Variants in CSNK2A2IP observed in about 807,000 individuals in gnomAD.
CSNK2A2IP encodes the protein casein kinase 2 subunit alpha' interacting protein.
At chr3:88,384,786 T>A in the CSNK2A2IP span, among the ~76,000 whole-genome samples, 5,725 of 152,014 alleles carry the variant, frequency 0.038, 266 homozygotes, top group African/African-American at 0.11. Flanking sequence ...ACAGAGATAA[T>A]AGAAACAAGA....
chr3:88,353,611 G>C, the CSNK2A2IP span, among the ~76,000 whole-genome samples: 1 of 152,094 alleles, frequency 6.6e-6, no homozygotes, highest in Non-Finnish European at 1.5e-5. Context: ...GGTTTTATTG[G>C]ATCTTAACTT....
the CSNK2A2IP span, among the ~76,000 whole-genome samples, chr3:88,436,957 T>C: frequency 6.6e-6 from 1 of 152,142 alleles, no homozygotes; most frequent in Non-Finnish European, 1.5e-5. Flanking sequence ...GTGAGCAACA[T>C]TGTCTTCTAG....
At chr3:88,365,593 C>A in the CSNK2A2IP span, among the ~76,000 whole-genome samples, 1 of 152,152 alleles carries the variant, frequency 6.6e-6, no homozygotes, top group Non-Finnish European at 1.5e-5. Context: ...CTAAAGTAAT[C>A]TGGGTCTTGG....
chr3:88,384,994 C>T, the CSNK2A2IP span, among the ~76,000 whole-genome samples: 41 of 152,272 alleles, frequency 2.7e-4, no homozygotes, highest in East Asian at 5.8e-4. Flanking sequence ...TAACCTAAGA[C>T]ATCCAAGTTG....
the CSNK2A2IP span, among the ~76,000 whole-genome samples, chr3:88,456,430 T>A: frequency 6.6e-5 from 10 of 152,104 alleles, no homozygotes; most frequent in African/African-American, 2.4e-4. Context: ...ATTTTTTTTG[T>A]AAGTATTTTA....
the CSNK2A2IP span, among the ~76,000 whole-genome samples, chr3:88,364,132 A>G: frequency 1.3e-5 from 2 of 151,948 alleles, no homozygotes; most frequent in African/African-American, 4.8e-5. Context: ...CTCCCTCATC[A>G]TGCCATGGTC....
chr3:88,373,873 A>T, the CSNK2A2IP span, among the ~76,000 whole-genome samples: 3 of 151,718 alleles, frequency 2.0e-5, no homozygotes, highest in East Asian at 5.8e-4. Context: ...CATTACAAAA[A>T]TTAATAAGAT....
the CSNK2A2IP span, among the ~76,000 whole-genome samples, chr3:88,410,759 T>TCACAGTGA: frequency 4.6e-5 from 7 of 152,038 alleles, no homozygotes; most frequent in Non-Finnish European, 7.4e-5. Context: ...GAAATCAACT[T>TCACAGTGA]CACAGTGAGT....
the CSNK2A2IP span, among the ~76,000 whole-genome samples, chr3:88,398,833 G>A: frequency 6.6e-6 from 1 of 152,102 alleles, no homozygotes; most frequent in African/African-American, 2.4e-5. Context: ...TGATGGCAGG[G>A]AATATTTATG....
the CSNK2A2IP span, among the ~76,000 whole-genome samples, chr3:88,340,345 T>G: frequency 2.0e-5 from 3 of 151,982 alleles, no homozygotes; most frequent in South Asian, 4.1e-4. Flanking sequence ...GAATTTAGGA[T>G]TTATAGCACT....
At chr3:88,444,659 C>A in the CSNK2A2IP span, among the ~76,000 whole-genome samples, 1 of 152,136 alleles carries the variant, frequency 6.6e-6, no homozygotes, top group African/African-American at 2.4e-5. Flanking sequence ...GGAAGAAAAT[C>A]TGCATTACTG....
the CSNK2A2IP span, among the ~76,000 whole-genome samples, chr3:88,421,508 C>A: frequency 6.6e-6 from 1 of 152,132 alleles, no homozygotes; most frequent in South Asian, 2.1e-4. Context: ...CCTCCACCTT[C>A]CGGGTTCAAG....
At chr3:88,415,881 C>A in the CSNK2A2IP span, among the ~76,000 whole-genome samples, 15 of 151,870 alleles carry the variant, frequency 9.9e-5, no homozygotes, top group Admixed American at 9.8e-4. Flanking sequence ...CTCCATTAGA[C>A]CTTAAGTTCT....
At chr3:88,418,776 T>A in the CSNK2A2IP span, among the ~76,000 whole-genome samples, 1 of 152,164 alleles carries the variant, frequency 6.6e-6, no homozygotes, top group East Asian at 1.9e-4. Flanking sequence ...ATTTACCTGA[T>A]AGGTCAAGGG....
the CSNK2A2IP span, among the ~76,000 whole-genome samples, chr3:88,401,313 G>A: frequency 3.3e-4 from 50 of 151,952 alleles, no homozygotes; most frequent in African/African-American, 1.1e-3. Context: ...TAACTCTGGG[G>A]AACTATCATT....
the CSNK2A2IP span, among the ~76,000 whole-genome samples, chr3:88,458,451 C>T: frequency 2.0e-4 from 31 of 152,000 alleles, no homozygotes; most frequent in African/African-American, 7.5e-4. Context: ...ATGCCCAGCC[C>T]TCTTTGTTTT....
At chr3:88,464,793 A>T in the CSNK2A2IP span, among the ~76,000 whole-genome samples, 25 of 152,204 alleles carry the variant, frequency 1.6e-4, no homozygotes, top group Admixed American at 1.1e-3. Context: ...AGTGATAACT[A>T]CTGCATTTTA....
At chr3:88,465,778 CT>C in the CSNK2A2IP span, 6 of 1,231,704 alleles carry the variant, frequency 4.9e-6, no homozygotes, top group Non-Finnish European at 6.1e-6. Context: ...GACATCATCA[CT>C]GGAGCTCAAT....
chr3:88,409,857 A>G, the CSNK2A2IP span, among the ~76,000 whole-genome samples: 1 of 152,110 alleles, frequency 6.6e-6, no homozygotes, highest in Admixed American at 6.5e-5. Context: ...AAATGAAACA[A>G]TAAAAACTCA....
Sources: allele counts gnomAD v4.1 joint callset (sites outside exome capture counted in the v4.1 genomes callset), GRCh38; gene constraint gnomAD v4.1.1; transcripts MANE v1.5; gene names NCBI Gene and HGNC (gene_info 2026-07-23, HGNC 2026-07-21).